The following BRCA1 variants were observed in gnomAD, a reference collection of about 807,000 sequenced individuals.
BRCA1 encodes the protein BRCA1 DNA repair associated, also known as breast cancer type 1 susceptibility protein.
BRCA1 carries 140 observed loss-of-function variants against 173.7 expected under a neutral mutation model. The observed-to-expected ratio is 0.81, with a 90% CI of 0.70 to 0.93. The LOEUF (loss-of-function observed/expected upper bound fraction) is 0.93, where lower values mean the gene tolerates loss of function less well. Ranked by LOEUF, BRCA1 falls within the 40% of genes least tolerant of loss-of-function variation. The pLI is 0.00. For synonymous variants in BRCA1, 662 were observed against 756.0 expected (o/e 0.88, Z 2.04); for missense variants, 1,983 against 2,172.5 (o/e 0.91, Z 1.73).
intron 1 of BRCA1, chr17:43,167,123 C>G (rs2056273149): frequency 6.6e-6 from 1 of 152,350 alleles, no homozygotes; most frequent in Non-Finnish European, 1.5e-5. Flanking sequence ...CCCTCAGGAT[C>G]CGTGTTGCTC....
intron 13 of BRCA1, among the ~76,000 whole-genome samples, chr17:43,076,076 C>T (rs916499729): frequency 2.0e-5 from 3 of 151,570 alleles, no homozygotes; most frequent in East Asian, 3.9e-4. Flanking sequence ...TGACACAGGG[C>T]GACCCTGTCT....
At chr17:43,127,623 C>G (rs547992258), upstream of BRCA1, among the ~76,000 whole-genome samples, 7 of 152,206 alleles carry the variant, frequency 4.6e-5, no homozygotes, top group East Asian at 1.4e-3. Context: ...ATATCTAGCT[C>G]AGGGATTGTA....
At chr17:43,064,111 C>T (rs373693434) in intron 16 of BRCA1, among the ~76,000 whole-genome samples, 160 bp from the exon 17 acceptor site, 18 of 152,288 alleles carry the variant, frequency 1.2e-4, no homozygotes, top group African/African-American at 4.3e-4. Flanking sequence ...GAAAACACCA[C>T]TAATTATAAC....
At chr17:43,117,065 AC>A (rs1662919933) in intron 2 of BRCA1, among the ~76,000 whole-genome samples, 1 of 152,218 alleles carries the variant, frequency 6.6e-6, no homozygotes, top group Admixed American at 6.6e-5. Context: ...TTATTAGATC[AC>A]TTCAGAAGAG....
intron 1 of BRCA1, chr17:43,159,386 G>A (rs1277174800): frequency 5.1e-5 from 8 of 157,822 alleles, no homozygotes; most frequent in Admixed American, 2.6e-4. Flanking sequence ...CCTCCCTCCC[G>A]GACGGGGCGG....
chr17:43,066,341 G>A (rs1056244598), intron 16 of BRCA1, among the ~76,000 whole-genome samples: 5 of 151,992 alleles, frequency 3.3e-5, no homozygotes, highest in African/African-American at 1.2e-4. Flanking sequence ...CTTTTTTCCT[G>A]AAAAACTCTC....
chr17:43,137,360 G>A (rs572148266), intron 1 of BRCA1, among the ~76,000 whole-genome samples: 3 of 151,284 alleles, frequency 2.0e-5, no homozygotes, highest in Non-Finnish European at 2.9e-5. Context: ...ACACCAACAT[G>A]ACACGTGTAT....
At position 43,125,267 on chromosome 17, in the gene BRCA1, C is replaced by A. The variant is rs745476489; in HGVS notation, c.-20+4G>T. 1 of 456,274 alleles carries A rather than the reference C, an allele frequency of 2.2e-6. No individual in the cohort carries two copies. The highest frequency in any genetic ancestry group is 1.5e-5 in the South Asian group (1 of 64,566). 28.3% of individuals were successfully genotyped at this position (456,274 alleles called of 1,614,324 possible). ...CCCCTGTCCCTTTCCCGGGACTCTACTACCTTTACCCAGAGCAGAGGGTGA... is the reference window on the plus strand; with the variant it reads ...CCCCTGTCCCTTTCCCGGGACTCTAATACCTTTACCCAGAGCAGAGGGTGA... On this transcript the variant is annotated splice_donor_region_variant and intron_variant, in intron 1 of 22. Transcript: ENST00000357654.
intron 2 of BRCA1, among the ~76,000 whole-genome samples, chr17:43,123,276 TTGTA>T (rs1488983329): frequency 1.3e-5 from 2 of 151,944 alleles, no homozygotes; most frequent in Non-Finnish European, 2.9e-5. Context: ...TGTAATTTCA[TTGTA>T]TGTACAGAGC....
chr17:43,104,737 T>G, intron 5 of BRCA1, 131 bp downstream of exon 5: 1 of 796,904 alleles, frequency 1.3e-6, no homozygotes, highest in Non-Finnish European at 2.1e-6. Flanking sequence ...TAAAAATAGA[T>G]TACAGATACA....
At chr17:43,135,234 G>A (rs1031006780) in intron 1 of BRCA1, among the ~76,000 whole-genome samples, 9 of 152,232 alleles carry the variant, frequency 5.9e-5, no homozygotes, top group South Asian at 2.1e-4. Flanking sequence ...CTTCAGCCTC[G>A]GTCCAAAAGG....
At position 43,093,595 on chromosome 17, in the gene BRCA1, T is replaced by C; in HGVS notation, c.1936A>G (p.Ser646Gly). ...TTTTTTTTCTTTATCTCTTCACTGC[T>C]AGAACAACTATCAATTTGCAATTCA... ...CTELQIDSCSSSEEIKKKKYN... is the reference protein window; with the variant it reads ...CTELQIDSCSGSEEIKKKKYN... The change falls in exon 10 of 23, where the codon AGC (serine) becomes GGC (glycine). Residue 646 changes from serine to glycine, a missense_variant. By Grantham distance (56) the Ser-to-Gly change is moderately conservative. Transcript: ENST00000357654. The C allele has an allele frequency of 1.2e-6, 2 of 1,614,092 alleles. No homozygotes were observed. Among genetic ancestry groups the C allele is most frequent in the Non-Finnish European group, 1.7e-6 (2 of 1,180,002 alleles).
At chr17:43,063,455 CAA>C (rs2051883524) in intron 17 of BRCA1, 82 bp from the exon 18 acceptor site, 4 of 1,132,470 alleles carry the variant, frequency 3.5e-6, no homozygotes, top group Admixed American at 3.5e-5. Context: ...CAGCGATTCA[CAA>C]AAGAGCACAG....
At chr17:43,053,347 T>A (rs1216061148) in intron 19 of BRCA1, among the ~76,000 whole-genome samples, 1 of 152,186 alleles carries the variant, frequency 6.6e-6, no homozygotes, top group Non-Finnish European at 1.5e-5. Flanking sequence ...GTGATGAGGA[T>A]GCCTAGTTAT....
chr17:43,126,246 C>T (rs1291081392), upstream of BRCA1, among the ~76,000 whole-genome samples: 1 of 152,200 alleles, frequency 6.6e-6, no homozygotes, highest in Non-Finnish European at 1.5e-5. Context: ...GCTTTTGCCC[C>T]GTCTCCGTCG....
At chr17:43,089,494 G>A (rs780886296) in intron 11 of BRCA1, among the ~76,000 whole-genome samples, 5 of 151,438 alleles carry the variant, frequency 3.3e-5, no homozygotes, top group Admixed American at 3.3e-4. Context: ...TATTTCATAG[G>A]TGACCAAATT....
In BRCA1 at chr17:43,078,520, A is replaced by T. The variant is rs8176198; in HGVS notation, c.4358-1906T>A. Among the ~76,000 whole-genome samples the T allele has an allele frequency of 0.45, 68,697 of 152,172 alleles. 17,305 individuals are homozygous for T. Among genetic ancestry groups the T allele is most frequent in the African/African-American group, 0.69 (28,590 of 41,540 alleles). On this transcript the variant is annotated intron_variant, in intron 12 of 22. Transcript: ENST00000357654. The stretch of plus-strand genomic sequence containing the variant: ...AAAACAAATAGTTAAAAATTGCAAA[A>T]GTCTTCTATTCATTAAAAAGTCACT...
intron 1 of BRCA1, among the ~76,000 whole-genome samples, chr17:43,131,922 T>C (rs1427887961): frequency 6.6e-6 from 1 of 152,082 alleles, no homozygotes; most frequent in Non-Finnish European, 1.5e-5. Flanking sequence ...TAGCTGGGAC[T>C]ACAGGCATGC....
intron 1 of BRCA1, among the ~76,000 whole-genome samples, chr17:43,132,194 GCT>G (rs2055972794): frequency 6.6e-6 from 1 of 152,154 alleles, no homozygotes; most frequent in Non-Finnish European, 1.5e-5. Flanking sequence ...CACACTCTGG[GCT>G]CTCTGCTTGG....
Sources: gnomAD v4.1 joint callset for allele counts (sites outside exome capture counted in the v4.1 genomes callset) on GRCh38, gnomAD v4.1.1 for gene constraint, MANE v1.5 for transcripts, NCBI Gene and HGNC (gene_info 2026-07-23, HGNC 2026-07-21) for gene names.